Variants in VAT1L observed in about 807,000 individuals in gnomAD.
The protein encoded by VAT1L is putative NADPH-dependent quinone oxidoreductase VAT1L.
A neutral mutation model predicts 44.1 loss-of-function variants in VAT1L; 34 were observed. That is an observed-to-expected ratio of 0.77 (90% confidence interval 0.59 to 1.03). The LOEUF (loss-of-function observed/expected upper bound fraction) is 1.03, where lower values mean the gene tolerates loss of function less well. Among genes scored for constraint, VAT1L ranks in the 50% least tolerant of loss-of-function variants. The pLI, the probability that VAT1L is intolerant of heterozygous loss-of-function variation, is 0.00. For synonymous variants in VAT1L, 253 were observed against 202.2 expected, an observed-to-expected ratio of 1.25 and a Z score of -2.13; for missense variants, 615 against 538.8, an observed-to-expected ratio of 1.14 and a Z score of -1.40.
chr16:77,966,843 T>G (rs2018227855), intron 7 of VAT1L, among the ~76,000 whole-genome samples: 1 of 150,998 alleles, frequency 6.6e-6, no homozygotes. Context: ...CTTGCCACAT[T>G]GACTAGTGGC....
At chr16:77,846,977 A>G (rs1163358288) in intron 3 of VAT1L, among the ~76,000 whole-genome samples, 2 of 152,166 alleles carry the variant, frequency 1.3e-5, no homozygotes, top group Non-Finnish European at 2.9e-5. Context: ...TGACATTTTT[A>G]TAGTTTTCTG....
At chr16:77,832,754 G>A (rs1051434575) in intron 3 of VAT1L, among the ~76,000 whole-genome samples, 2 of 152,188 alleles carry the variant, frequency 1.3e-5, no homozygotes, top group African/African-American at 4.8e-5. Context: ...CCACACAAGG[G>A]AGGGGAAGAA....
intron 3 of VAT1L, among the ~76,000 whole-genome samples, chr16:77,851,061 T>C (rs111554393): frequency 1.8e-3 from 270 of 152,308 alleles, no homozygotes; most frequent in African/African-American, 6.1e-3. Flanking sequence ...CCATGTGCGG[T>C]TGGACAGGCT....
At chr16:77,827,171 A>G (rs559153221) in intron 3 of VAT1L, among the ~76,000 whole-genome samples, 3 of 152,330 alleles carry the variant, frequency 2.0e-5, no homozygotes, top group African/African-American at 7.2e-5. Flanking sequence ...CGTAGAAAAG[A>G]AATGGCTTTC....
At chr16:77,789,295 G>C (rs1045663028) in intron 1 of VAT1L, among the ~76,000 whole-genome samples, 2 of 152,158 alleles carry the variant, frequency 1.3e-5, no homozygotes, top group African/African-American at 4.8e-5. Context: ...CAAGCCCACT[G>C]TGTGCCAGCC....
At chr16:77,820,840 T>C (rs1192321001) in intron 2 of VAT1L, among the ~76,000 whole-genome samples, 1 of 152,238 alleles carries the variant, frequency 6.6e-6, no homozygotes, top group Admixed American at 6.5e-5. Flanking sequence ...ATATTAGTTT[T>C]TGTTTTGGTA....
intron 7 of VAT1L, among the ~76,000 whole-genome samples, chr16:77,889,166 C>A (rs1275556791): frequency 6.6e-6 from 1 of 152,180 alleles, no homozygotes; most frequent in Non-Finnish European, 1.5e-5. Context: ...TCTATAACTT[C>A]ATCTATGGAA....
intron 7 of VAT1L, among the ~76,000 whole-genome samples, chr16:77,905,827 T>C (rs1479632512): frequency 6.6e-6 from 1 of 152,202 alleles, no homozygotes; most frequent in Non-Finnish European, 1.5e-5. Flanking sequence ...TAAAAAATAG[T>C]CACTAAAAAG....
At chr16:77,806,488 C>T (rs537225223) in intron 1 of VAT1L, among the ~76,000 whole-genome samples, 4 of 145,126 alleles carry the variant, frequency 2.8e-5, no homozygotes, top group South Asian at 2.3e-4. Flanking sequence ...GGATTACAGG[C>T]GTGAGCCACC....
At chr16:77,822,673 A>G (rs1220955247) in intron 2 of VAT1L, among the ~76,000 whole-genome samples, 3 of 152,116 alleles carry the variant, frequency 2.0e-5, no homozygotes, top group African/African-American at 7.2e-5. Flanking sequence ...CAGGCTACCC[A>G]AGGATAAGGA....
At chr16:77,883,593 C>G (rs1182246763) in intron 6 of VAT1L, among the ~76,000 whole-genome samples, 1 of 152,194 alleles carries the variant, frequency 6.6e-6, no homozygotes, top group Non-Finnish European at 1.5e-5. Flanking sequence ...CTTCCACCCA[C>G]TAGACGCCAG....
At chr16:77,968,980 A>C (rs2018251849) in intron 7 of VAT1L, among the ~76,000 whole-genome samples, 1 of 151,932 alleles carries the variant, frequency 6.6e-6, no homozygotes. Context: ...CACCACACCC[A>C]ACTAATTTTT....
At chr16:77,859,584 A>G (rs556253013) in intron 3 of VAT1L, among the ~76,000 whole-genome samples, 32 of 152,356 alleles carry the variant, frequency 2.1e-4, no homozygotes, top group Admixed American at 7.2e-4. Flanking sequence ...TGTTTGAGAA[A>G]TGTCACTCTG....
chr16:77,936,601 G>T (rs2017799767), intron 7 of VAT1L, among the ~76,000 whole-genome samples: 1 of 152,144 alleles, frequency 6.6e-6, no homozygotes, highest in Non-Finnish European at 1.5e-5. Flanking sequence ...AAAAAAAGGG[G>T]AAACAGAGAC....
intron 3 of VAT1L, among the ~76,000 whole-genome samples, chr16:77,848,696 G>A (rs184298641): frequency 2.0e-5 from 3 of 152,226 alleles, no homozygotes; most frequent in Admixed American, 6.5e-5. Context: ...GGGTACTTCC[G>A]CAGATGGTCT....
intron 3 of VAT1L, among the ~76,000 whole-genome samples, chr16:77,856,797 C>G (rs921309934): frequency 6.6e-6 from 1 of 152,184 alleles, no homozygotes; most frequent in Non-Finnish European, 1.5e-5. Context: ...GAAGTTGTCT[C>G]TAAGATGGCA....
intron 7 of VAT1L, among the ~76,000 whole-genome samples, chr16:77,885,792 C>T (rs886565195): frequency 2.0e-5 from 3 of 152,108 alleles, no homozygotes; most frequent in Non-Finnish European, 4.4e-5. Flanking sequence ...TGTCTGTTTG[C>T]CTGAACGATT....
At chr16:77,806,870 C>T (rs1158348433) in intron 1 of VAT1L, among the ~76,000 whole-genome samples, 1 of 152,074 alleles carries the variant, frequency 6.6e-6, no homozygotes, top group Non-Finnish European at 1.5e-5. Context: ...CAAGACATGG[C>T]CACTCTGTGC....
intron 6 of VAT1L, among the ~76,000 whole-genome samples, chr16:77,880,560 G>GC (rs796097440): frequency 8.7e-5 from 5 of 57,242 alleles, no homozygotes; most frequent in African/African-American, 3.2e-4. Flanking sequence ...AGCCCATGTT[G>GC]CTTTTTTTTT....
Sources: gnomAD v4.1 joint callset for allele counts (sites outside exome capture counted in the v4.1 genomes callset) on GRCh38, gnomAD v4.1.1 for gene constraint, MANE v1.5 for transcripts, NCBI Gene and HGNC (gene_info 2026-07-23, HGNC 2026-07-21) for gene names.